TRIM63: variants seen among roughly 807,000 people sequenced by gnomAD.
TRIM63 encodes E3 ubiquitin-protein ligase TRIM63.
Under a neutral mutation model 46.0 loss-of-function variants are expected in TRIM63, and 48 were observed. That is an observed-to-expected ratio of 1.04 (90% CI 0.83 to 1.33). The LOEUF is 1.33. Ranked by LOEUF, TRIM63 falls within the 40% of genes most tolerant of loss-of-function variation. The pLI is 0.00. For synonymous variants in TRIM63, 175 were observed against 162.8 expected, an observed-to-expected ratio of 1.08 and a Z score of -0.57; for missense variants, 455 against 441.2, an observed-to-expected ratio of 1.03 and a Z score of -0.28.
Position 26,067,521 on chromosome 1 carries a change from C to T in TRIM63, c.-27G>A. Reference sequence around the variant, plus strand: ...CTGTGGGAAGGAATGAGAGCCACGCCTAGCTGCCTCCTCTACTAACTTTGC... The same window carrying T: ...CTGTGGGAAGGAATGAGAGCCACGCTTAGCTGCCTCCTCTACTAACTTTGC... On this transcript the variant is annotated 5_prime_UTR_variant, in exon 1 of 9. Coordinates refer to ENST00000374272, the MANE Select transcript of TRIM63 (RefSeq NM_032588.4). 1 of 1,611,674 alleles carries T rather than the reference C, an allele frequency of 6.2e-7. No homozygotes were observed. The highest frequency in any genetic ancestry group is 8.5e-7 in the Non-Finnish European group (1 of 1,179,340).
chr1:26,060,260 G>T lies in TRIM63; in HGVS notation c.597+6C>A, dbSNP rs769304828. ...ATCCCCAGGCAGGACTATTCTGTCC[G>T]CTCACCTTGGTCACTCGACGGGAAT... On this transcript the variant is annotated splice_donor_region_variant and intron_variant, in intron 4 of 8. Transcript: ENST00000374272. 17 of 1,612,040 alleles carry T rather than the reference G, an allele frequency of 1.1e-5. No individual in the cohort carries two copies. Among genetic ancestry groups the T allele is most frequent in the East Asian group, 4.5e-5 (2 of 44,862 alleles).
chr1:26,067,570 C>G lies in TRIM63; in HGVS notation c.-76G>C. The G allele has an allele frequency of 6.6e-7, 1 of 1,523,860 alleles. No homozygotes were observed. The highest frequency in any genetic ancestry group is 8.9e-7 in the Non-Finnish European group (1 of 1,126,134). 94.4% of individuals were successfully genotyped at this position (1,523,860 alleles called of 1,614,324 possible). On this transcript the variant is annotated 5_prime_UTR_variant, in exon 1 of 9. Transcript: ENST00000374272. ...GCTCTAAGTAGACCTGGGGGTCTTG[C>G]CTTTGTCACAAAACACCGGGTCGGA...
chr1:26,058,534 C>T lies in TRIM63; in HGVS notation c.687G>A (p.Gln229=), dbSNP rs2050593600. The change falls in exon 5 of 9, where the codon CAG becomes CAA. Residue 229 remains glutamine (Q), a synonymous_variant. Coordinates refer to ENST00000374272, the MANE Select transcript of TRIM63 (RefSeq NM_032588.4). ...ILDEKKSELL[Q]RITQEQEKKL... is the part of the protein sequence containing the mutation. ...TTTTCTCCTGCTCCTGCGTGATCCG[C>T]TGCAGCAACTCACTTTTCTTCTCAT... 1 of 1,614,216 alleles carries T rather than the reference C, an allele frequency of 6.2e-7. No homozygotes were observed.
intron 2 of TRIM63, among the ~76,000 whole-genome samples, chr1:26,065,172 C>T (rs182555086): frequency 3.2e-4 from 48 of 152,164 alleles, no homozygotes; most frequent in African/African-American, 1.1e-3. Flanking sequence ...GACAGGCACG[C>T]GCCACCACGC....
At position 26,054,092 on chromosome 1, in the gene TRIM63, G is replaced by T. The variant is rs2050547999; in HGVS notation, c.980-128C>A. On this transcript the variant is annotated intron_variant, in intron 7 of 8. Transcript: ENST00000374272. ...CCCAGTCGGGTCAAACGGCCACACA[G>T]CGGCGGCAGTGGTCTGGGAGGGGAT... is the stretch of plus-strand genomic sequence containing the variant. 8.1e-6 allele frequency: 5 copies of T among 613,636 alleles called. No individual in the cohort carries two copies. The Admixed American group carries it at 1.0e-4, about 13-fold the overall frequency. The allele number at this position is 613,636 out of a possible 1,614,324, so 38.0% of individuals were successfully genotyped here.
chr1:26,061,992 G>C (rs1410110585), intron 2 of TRIM63, among the ~76,000 whole-genome samples: 3 of 152,206 alleles, frequency 2.0e-5, no homozygotes, highest in African/African-American at 7.2e-5. Flanking sequence ...ATAAGGCTGG[G>C]CGCAGTGGCT....
chr1:26,065,808 G>C (rs1259640382), intron 2 of TRIM63, among the ~76,000 whole-genome samples: 1 of 152,244 alleles, frequency 6.6e-6, no homozygotes, highest in Non-Finnish European at 1.5e-5. Context: ...GTGAAATGAG[G>C]ATAATAAAGT....
At chr1:26,066,542 G>A (rs190379323) in intron 1 of TRIM63, 102 bp from the exon 2 acceptor site, 51 of 1,124,854 alleles carry the variant, frequency 4.5e-5, no homozygotes, top group South Asian at 1.9e-4. Context: ...AACCACCCCC[G>A]TCAAACCTAA....
chr1:26,066,264 C>A lies in TRIM63; in HGVS notation c.332+4G>T. ...GCGGGCCCCCAGCAGGCACGAGAAC[C>A]GACCTGGAGCACTCCTGTTTGTAGA... On this transcript the variant is annotated splice_donor_region_variant and intron_variant, in intron 2 of 8. Transcript: ENST00000374272. 1.2e-6 allele frequency: 2 copies of A among 1,613,958 alleles called. No individual in the cohort carries two copies. The highest frequency in any genetic ancestry group is 1.7e-6 in the Non-Finnish European group (2 of 1,179,990).
chr1:26,051,930 C>T (rs2050526590), intron 8 of TRIM63, 47 bp from the exon 9 acceptor site: 3 of 1,305,514 alleles, frequency 2.3e-6, no homozygotes, highest in South Asian at 3.2e-5. Flanking sequence ...GACAGGGACT[C>T]AGGAGGATCC....
In TRIM63 at chr1:26,061,289, T is replaced by C; in HGVS notation, c.378A>G (p.Glu126=). 6.2e-7 allele frequency: 1 copy of C among 1,614,222 alleles called. No homozygotes were observed. Among genetic ancestry groups the C allele is most frequent in the South Asian group, 1.1e-5 (1 of 91,082 alleles). Residue 126 remains glutamate, a synonymous_variant, in exon 3 of 9, where the codon GAA becomes GAG. Transcript: ENST00000374272. ...KGSHPMCKEH[E]DEKINIYCLT... is the part of the protein sequence containing the mutation. The stretch of plus-strand genomic sequence containing the variant: ...GACAGTAGATGTTGATTTTCTCATC[T>C]TCGTGCTCCTTGCACATGGGGTGAC...
chr1:26,052,472 T>G (rs1219162871), intron 8 of TRIM63, among the ~76,000 whole-genome samples: 2 of 152,092 alleles, frequency 1.3e-5, no homozygotes, highest in African/African-American at 4.8e-5. Context: ...TTCTTTTCTT[T>G]GTTTTTTTTT....
intron 6 of TRIM63, 53 bp from the exon 7 acceptor site, chr1:26,057,380 G>T: frequency 1.3e-6 from 2 of 1,598,714 alleles, no homozygotes; most frequent in South Asian, 2.2e-5. Context: ...GCTCAGTGCA[G>T]GGAAGAGAGG....
chr1:26,060,821 G>A (rs955725923), intron 3 of TRIM63, among the ~76,000 whole-genome samples: 6 of 152,160 alleles, frequency 3.9e-5, no homozygotes, highest in African/African-American at 9.7e-5. Flanking sequence ...CTCCTGCTGT[G>A]GGGGAATGTG....
chr1:26,066,877 G>T (rs2050683409), intron 1 of TRIM63, among the ~76,000 whole-genome samples: 1 of 151,422 alleles, frequency 6.6e-6, no homozygotes, highest in South Asian at 2.1e-4. Flanking sequence ...CGGGGAGTTG[G>T]AGCCCCTTCT....
At chr1:26,059,990 T>G (rs943629940) in intron 4 of TRIM63, among the ~76,000 whole-genome samples, 1 of 152,154 alleles carries the variant, frequency 6.6e-6, no homozygotes, top group African/African-American at 2.4e-5. Flanking sequence ...ATACTGAGAA[T>G]TATTGATGGG....
intron 2 of TRIM63, among the ~76,000 whole-genome samples, chr1:26,062,584 C>T (rs1270966782): frequency 6.6e-6 from 1 of 152,154 alleles, no homozygotes; most frequent in Admixed American, 6.5e-5. Context: ...GTCCAACAGC[C>T]CAGCACAAGC....
intron 7 of TRIM63, among the ~76,000 whole-genome samples, chr1:26,056,746 C>T (rs2050573766): frequency 6.7e-6 from 1 of 150,354 alleles, no homozygotes; most frequent in South Asian, 2.1e-4. Flanking sequence ...ATCTAGAAAT[C>T]GACTATATGA....
chr1:26,051,780 C>CCA lies in TRIM63; in HGVS notation c.*92_*93insTG. 3.0e-6 allele frequency: 2 copies of CCA among 657,776 alleles called. No individual in the cohort carries two copies. The highest frequency in any genetic ancestry group is 2.2e-6 in the Non-Finnish European group (1 of 444,954). The allele number at this position is 657,776 out of a possible 1,614,324, so 40.7% of individuals were successfully genotyped here. A position where few individuals can be genotyped will look rare whatever the true frequency, so the allele number is the denominator to read the frequency against. The stretch of plus-strand genomic sequence containing the variant: ...CATTGCCCCTCCAGGGGCCCCGACC[C>CCA]CTCCCACCCTGGGCCTGTCACCAAG... On this transcript the variant is annotated 3_prime_UTR_variant, in exon 9 of 9. Coordinates refer to ENST00000374272, the MANE Select transcript of TRIM63 (RefSeq NM_032588.4).
Sources: gnomAD v4.1 joint callset for allele counts (sites outside exome capture counted in the v4.1 genomes callset) on GRCh38, gnomAD v4.1.1 for gene constraint, MANE v1.5 for transcripts, NCBI Gene and HGNC (gene_info 2026-07-23, HGNC 2026-07-21) for gene names.